Variants in PRRC2C observed in about 807,000 individuals in gnomAD.
The protein encoded by PRRC2C is proline rich coiled-coil 2C.
PRRC2C carries 72 observed loss-of-function variants against 317.2 expected under a neutral mutation model. The ratio of observed to expected loss-of-function variants is 0.23; its 90% confidence interval spans 0.19 to 0.28. The LOEUF (loss-of-function observed/expected upper bound fraction) is 0.28. PRRC2C is among the 10% of genes least tolerant of loss of function. The pLI is 1.00. For synonymous variants in PRRC2C, 1,296 were observed against 1,205.9 expected (o/e 1.07, Z -1.55); for missense variants, 3,074 against 3,459.7 (o/e 0.89, Z 2.80).
chr1:171,555,919 A>G (rs1312663622), intron 18 of PRRC2C, among the ~76,000 whole-genome samples: 2 of 152,192 alleles, frequency 1.3e-5, no homozygotes, highest in East Asian at 1.9e-4. Flanking sequence ...TCAGAGCTCA[A>G]ACACCGTGCT....
At chr1:171,534,904 A>C (rs1439164405) in intron 12 of PRRC2C, among the ~76,000 whole-genome samples, 2 of 152,256 alleles carry the variant, frequency 1.3e-5, no homozygotes, top group Admixed American at 6.5e-5. Context: ...ATGACATTCT[A>C]GAATGAATTA....
At chr1:171,504,983 A>T (rs1019300193) in intron 1 of PRRC2C, among the ~76,000 whole-genome samples, 1 of 151,258 alleles carries the variant, frequency 6.6e-6, no homozygotes, top group Non-Finnish European at 1.5e-5. Flanking sequence ...TTCAATGTGT[A>T]GGTCTTACGT....
In PRRC2C at chr1:171,515,771, C is replaced by A. The variant is rs141919800; in HGVS notation, c.438C>A (p.Pro146=). 12 of 1,610,104 alleles carry A rather than the reference C, an allele frequency of 7.5e-6. No individual in the cohort carries two copies. The highest frequency in any genetic ancestry group is 1.3e-5 in the African/African-American group (1 of 74,684). ...QVNSQFQQEF[P]SLQAAGDQEK... ...ATAGTCAGTTTCAGCAAGAATTTCCCAGCCTGCAGGCAGCTGGGGATCAGG... is the reference window on the plus strand; with the variant it reads ...ATAGTCAGTTTCAGCAAGAATTTCCAAGCCTGCAGGCAGCTGGGGATCAGG... The change falls in exon 5 of 35, where the codon CCC becomes CCA. Residue 146 remains proline (P), a synonymous_variant. Transcript: ENST00000647382.
At position 171,577,533 on chromosome 1, in the gene PRRC2C, G is replaced by A. The variant is rs2102804607; in HGVS notation, c.7055G>A (p.Ser2352Asn). The A allele has an allele frequency of 6.2e-7, 1 of 1,613,230 alleles. No individual in the cohort carries two copies. Among genetic ancestry groups the A allele is most frequent in the Non-Finnish European group, 8.5e-7 (1 of 1,179,296 alleles). Residue 2352 changes from serine to asparagine, a missense_variant, in exon 26 of 35, where the codon AGC becomes AAC. Physicochemically the swap from Ser to Asn is conservative, Grantham distance 46. Around this residue, in one of 11 missense-constraint regions of PRRC2C, gnomAD observed 490 missense variants for 663.1 expected, o/e 0.74. Transcript: ENST00000647382. ...GTGAAACCTCAGCAGTTACAGACAA[G>A]CAGCCTGCCTTCTGCAAGTCATTTT... ...CKVKPQQLQT[S>N]SLPSASHFSQ...
chr1:171,495,237 C>A (rs926182851), intron 1 of PRRC2C, among the ~76,000 whole-genome samples: 6 of 152,218 alleles, frequency 3.9e-5, no homozygotes, highest in Non-Finnish European at 4.4e-5. Flanking sequence ...CTAGCTGTCA[C>A]AGCTAGAACC....
At chr1:171,523,603 A>G (rs1326615159) in intron 9 of PRRC2C, 81 bp downstream of exon 9, 2 of 1,161,500 alleles carry the variant, frequency 1.7e-6, no homozygotes, top group African/African-American at 1.5e-5. Context: ...AGCTTTGTTA[A>G]TAGACAATTG....
Position 171,575,118 on chromosome 1 carries a change from A to G in PRRC2C, c.6945A>G (p.Ala2315=). The G allele has an allele frequency of 1.2e-6, 2 of 1,613,060 alleles. No homozygotes were observed. Among genetic ancestry groups the G allele is most frequent in the Non-Finnish European group, 1.7e-6 (2 of 1,179,308 alleles). The change falls in exon 25 of 35, where the codon GCA becomes GCG. Residue 2315 remains alanine, a synonymous_variant. Transcript: ENST00000647382. ...CTGTTGCTTCAGTCACTCCTACAGCATCACTATCAGGTAGAACTTTTTCGT... is the reference window on the plus strand; with the variant it reads ...CTGTTGCTTCAGTCACTCCTACAGCGTCACTATCAGGTAGAACTTTTTCGT... The part of the protein sequence containing the change: ...QIPVASVTPT[A]SLSGAGTYTT...
chr1:171,591,471 C>T, intron 34 of PRRC2C, 116 bp from the exon 35 acceptor site: 2 of 1,301,888 alleles, frequency 1.5e-6, no homozygotes, highest in Admixed American at 2.5e-5. Flanking sequence ...TTGGCTTTGG[C>T]CAAACCAGTG....
chr1:171,511,347 A>G (rs999301581), intron 1 of PRRC2C: 10 of 152,354 alleles, frequency 6.6e-5, no homozygotes, highest in African/African-American at 2.2e-4. Flanking sequence ...CATTAGCTCT[A>G]AAGATGAGGA....
chr1:171,542,021 G>T lies in PRRC2C; in HGVS notation c.4555G>T (p.Ala1519Ser). 1 of 1,613,676 alleles carries T rather than the reference G, an allele frequency of 6.2e-7. No homozygotes were observed. Among genetic ancestry groups the T allele is most frequent in the African/African-American group, 1.3e-5 (1 of 74,978 alleles). ...GCGAGAGAGGGATGAAAAAAAAAAT[G>T]CTGACTTGAATGCACAAACAGTTGT... ...ERRERDEKKN[A>S]DLNAQTVVKV... Residue 1519 changes from alanine (A) to serine (S), a missense_variant, in exon 16 of 35, where the codon GCT (alanine) becomes TCT (serine). Ala to Ser is a moderately conservative substitution (Grantham distance 99). Around this residue, in one of 11 missense-constraint regions of PRRC2C, gnomAD observed 178 missense variants for 163.0 expected, o/e 1.09. Transcript: ENST00000647382.
intron 18 of PRRC2C, among the ~76,000 whole-genome samples, chr1:171,550,736 C>A (rs926094831): frequency 6.6e-6 from 1 of 151,396 alleles, no homozygotes; most frequent in Non-Finnish European, 1.5e-5. Context: ...TCTGTCCTTG[C>A]AATAGTTTGC....
intron 13 of PRRC2C, among the ~76,000 whole-genome samples, 155 bp downstream of exon 13, chr1:171,535,752 C>G (rs1183238847): frequency 1.3e-5 from 2 of 152,138 alleles, no homozygotes; most frequent in African/African-American, 4.8e-5. Context: ...TGGGTTTTAC[C>G]TTGACCTTCT....
chr1:171,529,184 G>C (rs771669293), intron 11 of PRRC2C, among the ~76,000 whole-genome samples: 4 of 152,050 alleles, frequency 2.6e-5, no homozygotes, highest in East Asian at 1.9e-4. Flanking sequence ...CCTACACTTC[G>C]AGTGTTGGAG....
At position 171,537,420 on chromosome 1, in the gene PRRC2C, T is replaced by G; in HGVS notation, c.2451T>G (p.Ala817=). ...MLWGSDPYPH[A]EPQQATTPKA... is the part of the protein sequence containing the mutation. ...GGGGGTCAGATCCCTATCCTCATGC[T>G]GAGCCTCAACAAGCAACTACTCCCA... The change falls in exon 15 of 35, where the codon GCT becomes GCG. Residue 817 remains alanine, a synonymous_variant. Transcript: ENST00000647382. The G allele has an allele frequency of 6.3e-7, 1 of 1,588,082 alleles. No homozygotes were observed. Among genetic ancestry groups the G allele is most frequent in the Non-Finnish European group, 8.6e-7 (1 of 1,166,224 alleles).
chr1:171,539,918 C>A (rs1277284538), intron 15 of PRRC2C, 53 bp from the exon 16 acceptor site: 3 of 1,423,414 alleles, frequency 2.1e-6, no homozygotes, highest in Non-Finnish European at 2.9e-6. Context: ...TATATACTTA[C>A]GCATGGGAAA....
At chr1:171,492,555 G>T (rs529794734) in intron 1 of PRRC2C, among the ~76,000 whole-genome samples, 2 of 151,974 alleles carry the variant, frequency 1.3e-5, no homozygotes, top group African/African-American at 4.8e-5. Context: ...CATCAATAGG[G>T]TGTCCTGGGA....
rs1336460664 is a variant in PRRC2C, at chr1:171,541,000, G to A, written c.3534G>A (p.Glu1178=). ...PPRTYWKEAR[E]RDWFPDQGYR... is the part of the protein sequence containing the mutation. ...GGACCTATTGGAAAGAAGCTAGAGA[G>A]AGAGATTGGTTTCCAGATCAAGGAT... Residue 1178 remains glutamate, a synonymous_variant, in exon 16 of 35, where the codon GAG becomes GAA. Transcript: ENST00000647382. 1 of 1,613,598 alleles carries A rather than the reference G, an allele frequency of 6.2e-7. No homozygotes were observed. Among genetic ancestry groups the A allele is most frequent in the Admixed American group, 1.7e-5 (1 of 59,892 alleles).
chr1:171,517,800 A>G lies in PRRC2C; in HGVS notation c.736A>G (p.Met246Val), dbSNP rs141016565. Residue 246 changes from methionine (M) to valine (V), a missense_variant, in exon 6 of 35, where the codon ATG becomes GTG. By Grantham distance (21) the Met-to-Val change is conservative. Coordinates refer to ENST00000647382, the MANE Select transcript of PRRC2C (RefSeq NM_001387844.1). ...TGCTCTCGCTTCCCAGTATAGAGCT[A>G]TGATGCCTCCTTATGTGAGTATTGT... ...QAALASQYRA[M>V]MPPYMFQQYP... 5.0e-5 allele frequency: 81 copies of G among 1,612,694 alleles called. No individual in the cohort carries two copies. Among genetic ancestry groups the G allele is most frequent in the South Asian group, 7.7e-5 (7 of 91,024 alleles).
At chr1:171,590,019 C>A (rs2102903415) in intron 34 of PRRC2C, among the ~76,000 whole-genome samples, 1 of 150,440 alleles carries the variant, frequency 6.6e-6, no homozygotes, top group South Asian at 2.1e-4. Flanking sequence ...TTTTCTTCCC[C>A]CCTTTCCCCT....
Sources: gnomAD v4.1 joint callset for allele counts (sites outside exome capture counted in the v4.1 genomes callset) on GRCh38, gnomAD v4.1.1 for gene constraint, gnomAD v4.1.1 regional missense constraint, MANE v1.5 for transcripts, NCBI Gene and HGNC (gene_info 2026-07-23, HGNC 2026-07-21) for gene names.